GABRB1: variants seen among roughly 807,000 people sequenced by gnomAD.
The protein encoded by GABRB1 is gamma-aminobutyric acid receptor subunit beta-1.
In GABRB1, 17 loss-of-function variants were observed where a neutral mutation model predicts 51.6. The observed-to-expected ratio is 0.33, with a 90% CI of 0.23 to 0.49. The LOEUF is 0.49. Among genes scored for constraint, GABRB1 ranks in the 20% least tolerant of loss-of-function variants. The pLI is 0.99. For synonymous variants in GABRB1, 247 were observed against 218.9 expected (o/e 1.13, Z -1.14); for missense variants, 410 against 600.6 (o/e 0.68, Z 3.32).
intron 4 of GABRB1, among the ~76,000 whole-genome samples, chr4:47,219,569 G>C (rs548715777): frequency 3.3e-5 from 5 of 151,794 alleles, no homozygotes; most frequent in African/African-American, 1.2e-4. Context: ...TTCACATTTG[G>C]CTTGTGTTAT....
intron 3 of GABRB1, among the ~76,000 whole-genome samples, chr4:47,086,220 CAT>C (rs1008680256): frequency 1.3e-5 from 2 of 152,134 alleles, no homozygotes; most frequent in Admixed American, 6.6e-5. Flanking sequence ...CTGCTTTACA[CAT>C]GTTTGCGGGT....
chr4:47,407,162 A>T (rs189688654), intron 8 of GABRB1, among the ~76,000 whole-genome samples: 6 of 152,322 alleles, frequency 3.9e-5, no homozygotes, highest in Admixed American at 1.3e-4. Context: ...TTTATTCTAA[A>T]CTATTTGTAA....
intron 4 of GABRB1, among the ~76,000 whole-genome samples, chr4:47,231,567 T>C (rs1007732623): frequency 2.0e-5 from 3 of 152,184 alleles, no homozygotes; most frequent in African/African-American, 7.2e-5. Context: ...ATATGGTGCT[T>C]TTTATTATTG....
chr4:47,064,077 A>T (rs1726954886), intron 3 of GABRB1, among the ~76,000 whole-genome samples: 1 of 152,190 alleles, frequency 6.6e-6, no homozygotes, highest in Admixed American at 6.5e-5. Context: ...TTAAAAAAAT[A>T]ATACATGAGC....
rs963761826 is a variant in GABRB1, at chr4:47,388,279, T to C, written c.545-15039T>C. Among the ~76,000 whole-genome samples the C allele has an allele frequency of 7.2e-5, 11 of 152,160 alleles. No individual in the cohort carries two copies. In the East Asian group the frequency reaches 2.1e-3, roughly 29 times the overall value. The stretch of plus-strand genomic sequence containing the variant: ...TGGAGTCTAAATGCCTTTAAATGGG[T>C]ATGGTCTAGTGTAGACAAGGATTAA... On this transcript the variant is annotated intron_variant, in intron 5 of 8. Coordinates refer to ENST00000295454, the MANE Select transcript of GABRB1 (RefSeq NM_000812.4).
intron 8 of GABRB1, among the ~76,000 whole-genome samples, chr4:47,410,388 A>T (rs1324566430): frequency 2.6e-5 from 4 of 152,198 alleles, no homozygotes; most frequent in Non-Finnish European, 5.9e-5. Flanking sequence ...AAACAAGCAA[A>T]AACTAAAAGA....
intron 3 of GABRB1, among the ~76,000 whole-genome samples, chr4:47,038,834 G>T (rs528466101): frequency 6.6e-6 from 1 of 152,046 alleles, no homozygotes; most frequent in African/African-American, 2.4e-5. Flanking sequence ...TCAGTGAGGG[G>T]GCTCAAATGA....
At chr4:47,309,007 AG>A (rs2109949142) in intron 4 of GABRB1, among the ~76,000 whole-genome samples, 1 of 152,260 alleles carries the variant, frequency 6.6e-6, no homozygotes, top group Admixed American at 6.5e-5. Context: ...TTAATTTGAG[AG>A]GGCAACCTCA....
At chr4:47,283,906 G>C (rs1723400719) in intron 4 of GABRB1, among the ~76,000 whole-genome samples, 2 of 152,078 alleles carry the variant, frequency 1.3e-5, no homozygotes, top group Admixed American at 6.5e-5. Context: ...AAGACGGATT[G>C]TCAAGCTTCT....
intron 4 of GABRB1, among the ~76,000 whole-genome samples, chr4:47,215,575 T>C (rs899986841): frequency 6.6e-6 from 1 of 152,000 alleles, no homozygotes; most frequent in African/African-American, 2.4e-5. Context: ...AAAAAAAAAT[T>C]AATGTACTTC....
At chr4:47,280,216 A>G (rs1296796619) in intron 4 of GABRB1, among the ~76,000 whole-genome samples, 1 of 151,902 alleles carries the variant, frequency 6.6e-6, no homozygotes, top group African/African-American at 2.4e-5. Flanking sequence ...TCTTATACTA[A>G]TAGCAGGCTA....
chr4:47,151,529 TA>T (rs1717455346), intron 3 of GABRB1, among the ~76,000 whole-genome samples: 1 of 152,070 alleles, frequency 6.6e-6, no homozygotes, highest in African/African-American at 2.4e-5. Flanking sequence ...TTACCATGCA[TA>T]CCACATATTG....
Position 47,079,073 on chromosome 4 carries a change from C to CT in GABRB1, c.240+46596dup, listed in dbSNP as rs1202927039. Among the ~76,000 whole-genome samples the CT allele has an allele frequency of 9.2e-5, 14 of 152,202 alleles. No homozygotes were observed. In the East Asian group the frequency reaches 2.7e-3, roughly 29 times the overall value. On this transcript the variant is annotated intron_variant, in intron 3 of 8. Transcript: ENST00000295454. ...ATCAGGGATATTGGTCTAAAATTCT[C>CT]TTTTTTTGTTGTGTTTCTGCCAGGC...
chr4:47,226,887 T>C (rs1404486261), intron 4 of GABRB1, among the ~76,000 whole-genome samples: 2 of 152,078 alleles, frequency 1.3e-5, no homozygotes, highest in Admixed American at 6.6e-5. Context: ...AACATGTAAC[T>C]AGGAGGGAAA....
intron 4 of GABRB1, among the ~76,000 whole-genome samples, chr4:47,224,035 T>C (rs1720859614): frequency 6.6e-6 from 1 of 152,130 alleles, no homozygotes; most frequent in South Asian, 2.1e-4. Flanking sequence ...AACTCAGTAC[T>C]ACTGACAGCT....
At chr4:47,043,042 C>A in intron 3 of GABRB1, 1 of 152,342 alleles carries the variant, frequency 6.6e-6, no homozygotes. Flanking sequence ...ATCACCACCT[C>A]TCTGTCTCTT....
At chr4:47,132,398 TTTGG>T (rs1560550153) in intron 3 of GABRB1, among the ~76,000 whole-genome samples, 23 of 1,290 alleles carry the variant, frequency 0.018, no homozygotes, top group South Asian at 0.054. Context: ...TTTGTTTTGG[TTTGG>T]TTTGGTTTGG....
upstream of GABRB1, chr4:47,031,554 C>A: frequency 1.0e-6 from 1 of 969,796 alleles, no homozygotes; most frequent in Non-Finnish European, 1.7e-6. Context: ...GCGCTCTGCG[C>A]ATGCGCAGGT....
At chr4:47,024,933 C>CATATATATGTATATATATATATATATAT (rs1725040011) in intron 1 of GABRB1, among the ~76,000 whole-genome samples, 2 of 86,202 alleles carry the variant, frequency 2.3e-5, no homozygotes, top group Admixed American at 1.2e-4. Flanking sequence ...AGTATTCCAT[C>CATATATATGTATATATATATATATATAT]ATATATATAT....
Sources: allele counts gnomAD v4.1 joint callset (sites outside exome capture counted in the v4.1 genomes callset), GRCh38; gene constraint gnomAD v4.1.1; transcripts MANE v1.5; gene names NCBI Gene and HGNC (gene_info 2026-07-23, HGNC 2026-07-21).